The following KLF8 variants were observed in gnomAD, a reference collection of about 807,000 sequenced individuals.
The protein encoded by KLF8 is KLF transcription factor 8, also known as Krueppel-like factor 8.
A neutral mutation model predicts 18.2 loss-of-function variants in KLF8; 10 were observed. The ratio of observed to expected loss-of-function variants is 0.55; its 90% CI spans 0.34 to 0.93. The LOEUF (loss-of-function observed/expected upper bound fraction) is 0.93. Among genes scored for constraint, KLF8 ranks in the 40% least tolerant of loss-of-function variants. KLF8 has a pLI of 0.02. For synonymous variants in KLF8, 109 were observed against 97.3 expected (o/e 1.12, Z -0.71); for missense variants, 264 against 277.9 (o/e 0.95, Z 0.36).
At chrX:56,270,808 TA>T (rs1270850177) in intron 5 of KLF8, among the ~76,000 whole-genome samples, 67 of 104,431 alleles carry the variant, frequency 6.4e-4, no homozygotes, top group African/African-American at 1.9e-3. Context: ...TTGTTCACAT[TA>T]AAAAAAAAAG....
the KLF8 span, among the ~76,000 whole-genome samples, chrX:55,971,623 C>G: frequency 9.1e-6 from 1 of 109,971 alleles, no homozygotes; most frequent in African/African-American, 3.3e-5. Flanking sequence ...AAGAGACAAC[C>G]CACAAAATGA....
chrX:56,090,581 G>A, the KLF8 span, among the ~76,000 whole-genome samples: 1 of 111,850 alleles, frequency 8.9e-6, no homozygotes, highest in Non-Finnish European at 1.9e-5. Context: ...TGATGTTGAT[G>A]TTTTTATATA....
the KLF8 span, among the ~76,000 whole-genome samples, chrX:56,146,667 C>A: frequency 9.6e-6 from 1 of 104,701 alleles, no homozygotes; most frequent in Non-Finnish European, 1.9e-5. Flanking sequence ...ACCTGTGTAA[C>A]AAACCTGCAC....
the KLF8 span, among the ~76,000 whole-genome samples, chrX:55,984,141 G>A: frequency 9.2e-6 from 1 of 109,264 alleles, no homozygotes; most frequent in Non-Finnish European, 1.9e-5. Flanking sequence ...AACTTTTTAA[G>A]TTCTGGGCTA....
the KLF8 span, among the ~76,000 whole-genome samples, chrX:56,103,610 G>T: frequency 9.0e-6 from 1 of 111,299 alleles, no homozygotes; most frequent in Admixed American, 9.5e-5. Flanking sequence ...GGAGATTTTG[G>T]GCTGAGACAA....
At chrX:56,260,653 T>A (rs1163027789) in intron 2 of KLF8, among the ~76,000 whole-genome samples, 2 of 111,729 alleles carry the variant, frequency 1.8e-5, no homozygotes, top group East Asian at 5.6e-4. Flanking sequence ...CCGCTCCATT[T>A]TCTAATACCC....
At chrX:56,158,042 A>C in the KLF8 span, among the ~76,000 whole-genome samples, 6 of 111,935 alleles carry the variant, frequency 5.4e-5, no homozygotes, top group South Asian at 3.7e-4. Flanking sequence ...TTAAGTCTTT[A>C]ATCCATCTTG....
chrX:56,044,866 G>C, the KLF8 span, among the ~76,000 whole-genome samples: 1 of 112,371 alleles, frequency 8.9e-6, no homozygotes, highest in Admixed American at 9.4e-5. Context: ...CATTTCTAAA[G>C]TTATGTATGG....
At chrX:55,979,328 G>A in the KLF8 span, among the ~76,000 whole-genome samples, 28 of 111,764 alleles carry the variant, frequency 2.5e-4, no homozygotes, top group African/African-American at 7.5e-4. Context: ...TGCTGTGCAC[G>A]CTACCTGCAT....
the KLF8 span, among the ~76,000 whole-genome samples, chrX:56,211,664 G>A: frequency 8.9e-6 from 1 of 112,363 alleles, no homozygotes; most frequent in Non-Finnish European, 1.9e-5. Context: ...CCGTTAAGGA[G>A]TCAGGGGCTA....
At chrX:55,934,836 G>T in the KLF8 span, among the ~76,000 whole-genome samples, 1 of 112,343 alleles carries the variant, frequency 8.9e-6, no homozygotes, top group Non-Finnish European at 1.9e-5. Context: ...GTGGGGAATG[G>T]TGAGGCTCCT....
At chrX:56,044,840 T>C in the KLF8 span, among the ~76,000 whole-genome samples, 1 of 112,614 alleles carries the variant, frequency 8.9e-6, no homozygotes, top group African/African-American at 3.2e-5. Context: ...GCTGCCTGGC[T>C]TCCAGGATTC....
At chrX:55,983,327 A>T in the KLF8 span, among the ~76,000 whole-genome samples, 1 of 111,463 alleles carries the variant, frequency 9.0e-6, no homozygotes, top group Non-Finnish European at 1.9e-5. Flanking sequence ...ATACCTAAAT[A>T]AAGCTGATTA....
chrX:56,170,810 A>C, the KLF8 span, among the ~76,000 whole-genome samples: 1 of 111,754 alleles, frequency 8.9e-6, no homozygotes, highest in Non-Finnish European at 1.9e-5. Context: ...AGAAAAAGAT[A>C]TCAGTATACA....
the KLF8 span, among the ~76,000 whole-genome samples, chrX:55,948,444 C>A: frequency 8.9e-6 from 1 of 111,818 alleles, no homozygotes; most frequent in Non-Finnish European, 1.9e-5. Flanking sequence ...ATCATTTTAC[C>A]TGGAATGTCT....
chrX:55,943,840 C>T, the KLF8 span, among the ~76,000 whole-genome samples: 2 of 112,161 alleles, frequency 1.8e-5, no homozygotes, highest in Non-Finnish European at 3.8e-5. Flanking sequence ...AACCTCATTC[C>T]GAATCTACCC....
the KLF8 span, among the ~76,000 whole-genome samples, chrX:56,022,551 C>CAAAAAAAAAAAAAAA: frequency 7.3e-5 from 2 of 27,307 alleles, no homozygotes; most frequent in African/African-American, 2.0e-4. Flanking sequence ...TCTGTCTGAC[C>CAAAAAAAAAAAAAAA]AAAAAAAAAA....
chrX:55,951,651 A>T, the KLF8 span, among the ~76,000 whole-genome samples: 2 of 110,031 alleles, frequency 1.8e-5, no homozygotes, highest in Non-Finnish European at 3.8e-5. Context: ...AGAAGTTCCA[A>T]GTCTTGGTGG....
the KLF8 span, among the ~76,000 whole-genome samples, chrX:56,217,240 G>C: frequency 9.0e-6 from 1 of 111,095 alleles, no homozygotes; most frequent in Non-Finnish European, 1.9e-5. Context: ...TCTTGGTAAT[G>C]CTTCATATGT....
Sources: allele counts gnomAD v4.1 joint callset (sites outside exome capture counted in the v4.1 genomes callset), GRCh38; gene constraint gnomAD v4.1.1; transcripts MANE v1.5; gene names NCBI Gene and HGNC (gene_info 2026-07-23, HGNC 2026-07-21).